Variants in EP400 observed in about 807,000 individuals in gnomAD.
EP400 encodes the protein E1A-binding protein p400.
A neutral mutation model predicts 354.1 loss-of-function variants in EP400; 105 were observed. The observed-to-expected ratio is 0.30, with a 90% CI of 0.25 to 0.35. The LOEUF is 0.35. Among genes scored for constraint, EP400 ranks in the 10% least tolerant of loss-of-function variants. The pLI is 1.00. For synonymous variants in EP400, 1,646 were observed against 1,716.9 expected, an observed-to-expected ratio of 0.96 and a Z score of 1.02; for missense variants, 3,280 against 4,121.0, an observed-to-expected ratio of 0.80 and a Z score of 5.59.
Position 131,961,806 on chromosome 12 carries a change from T to C in EP400, c.1187T>C (p.Phe396Ser). ...ATTGAACTGTTTTTCTTGCAACACT[T>C]TCAAGGGAACATGATGGATTTCTTA... ...YLIELFFLQH[F>S]QGNMMDFLAF... The change falls in exon 2 of 53, where the codon TTT becomes TCT. Residue 396 changes from phenylalanine (F) to serine (S), a missense_variant. Phe to Ser is a radical substitution (Grantham distance 155). Coordinates refer to ENST00000389561, the MANE Select transcript of EP400 (RefSeq NM_015409.5). The C allele has an allele frequency of 6.2e-7, 1 of 1,614,188 alleles. No individual in the cohort carries two copies.
At chr12:131,955,314 C>T (rs1324553483) in intron 1 of EP400, among the ~76,000 whole-genome samples, 1 of 152,032 alleles carries the variant, frequency 6.6e-6, no homozygotes, top group Non-Finnish European at 1.5e-5. Flanking sequence ...CGGAGTTTCG[C>T]TCTTGTTGCC....
Position 132,013,594 on chromosome 12 carries a change from G to A in EP400, c.3716G>A (p.Ser1239Asn), listed in dbSNP as rs1310389812. Residue 1239 changes from serine to asparagine, a missense_variant, in exon 18 of 53, where the codon AGC becomes AAC. Transcript: ENST00000389561. The surrounding 1 kb of genome is among the most constrained non-coding windows in gnomAD (Gnocchi z 4.5). ...CCAGGGATCTCCAGGCCCTACCTGA[G>A]CTCCCCTCTGAGGGCCCCCAGTGAA... is the stretch of plus-strand genomic sequence containing the variant. ...LVPGISRPYL[S>N]SPLRAPSEES... 6.2e-7 allele frequency: 1 copy of A among 1,613,968 alleles called. No individual in the cohort carries two copies. Among genetic ancestry groups the A allele is most frequent in the Non-Finnish European group, 8.5e-7 (1 of 1,179,938 alleles).
chr12:132,021,024 G>C, intron 22 of EP400, 55 bp from the exon 23 acceptor site: 1 of 1,495,116 alleles, frequency 6.7e-7, no homozygotes, highest in South Asian at 1.3e-5. Flanking sequence ...TTAAAATATT[G>C]TATTTTATTA....
intron 45 of EP400, among the ~76,000 whole-genome samples, chr12:132,059,417 C>T (rs898993241): frequency 6.6e-6 from 1 of 151,752 alleles, no homozygotes; most frequent in African/African-American, 2.4e-5. Context: ...CAGCTCAAGT[C>T]GATATTACCT....
chr12:131,985,668 C>T (rs1052520556), intron 5 of EP400, among the ~76,000 whole-genome samples: 2 of 152,156 alleles, frequency 1.3e-5, no homozygotes, highest in African/African-American at 2.4e-5. Flanking sequence ...AGTAGAATGG[C>T]GCAATCTCAG....
intron 42 of EP400, 36 bp from the exon 43 acceptor site, chr12:132,053,307 C>T: frequency 1.3e-6 from 2 of 1,599,634 alleles, no homozygotes; most frequent in South Asian, 1.1e-5. Flanking sequence ...CCGAGTCTGC[C>T]CCTCCAGTGG....
chr12:131,972,555 C>T (rs920802941), intron 2 of EP400, among the ~76,000 whole-genome samples: 6 of 151,986 alleles, frequency 3.9e-5, no homozygotes, highest in East Asian at 1.9e-4. Flanking sequence ...ATTTCTGTTT[C>T]GAAAAGATTT....
At position 132,011,619 on chromosome 12, in the gene EP400, C is replaced by T; in HGVS notation, c.3426C>T (p.Leu1142=). The T allele has an allele frequency of 6.2e-7, 1 of 1,601,422 alleles. No individual in the cohort carries two copies. The highest frequency in any genetic ancestry group is 8.5e-7 in the Non-Finnish European group (1 of 1,175,912). ...ILSYIGSHRE[L]KAKRQEWAEP... ...CATATATTGGCAGCCACAGAGAACTCAAAGCAAAGAGACAGGTATTTTTTT... is the reference window on the plus strand; with the variant it reads ...CATATATTGGCAGCCACAGAGAACTTAAAGCAAAGAGACAGGTATTTTTTT... Residue 1142 remains leucine (L), a synonymous_variant, in exon 16 of 53, where the codon CTC becomes CTT. Coordinates refer to ENST00000389561, the MANE Select transcript of EP400 (RefSeq NM_015409.5).
rs536459270 is a variant in EP400, at chr12:132,054,149, T to A, written c.7728+552T>A. 2.0e-5 allele frequency among the ~76,000 whole-genome samples: 3 copies of A among 152,210 alleles called. No homozygotes were observed. Among genetic ancestry groups the A allele is most frequent in the Non-Finnish European group, 4.4e-5 (3 of 68,030 alleles). Reference sequence around the variant, plus strand: ...TGTATCTCTGTACTGTGTGCGTCCGTGTGCCACACAGACGCTGAAATCATA... The same window carrying A: ...TGTATCTCTGTACTGTGTGCGTCCGAGTGCCACACAGACGCTGAAATCATA... On this transcript the variant is annotated intron_variant, in intron 43 of 52. Transcript: ENST00000389561. This position sits in a 1 kb window ranked among gnomAD's most constrained non-coding sequence, Gnocchi z 4.0.
Position 132,025,654 on chromosome 12 carries a change from C to T in EP400, c.4864C>T (p.Leu1622Phe). 6.2e-7 allele frequency: 1 copy of T among 1,603,404 alleles called. No individual in the cohort carries two copies. Among genetic ancestry groups the T allele is most frequent in the Non-Finnish European group, 8.5e-7 (1 of 1,175,548 alleles). ...TGGACCTATGATTGCAGGCAGCGTC[C>T]TCCAGATCGTGTCCGCCCCCGGGCA... ...GQPLQLQGSV[L>F]QIVSAPGQPY... The change falls in exon 25 of 53, where the codon CTC (leucine) becomes TTC (phenylalanine). Residue 1622 changes from leucine (L) to phenylalanine (F), a missense_variant. This residue lies in a region of EP400 where 25 missense variants were observed against 51.2 expected (regional missense o/e 0.49). Transcript: ENST00000389561. This position sits in a 1 kb window ranked among gnomAD's most constrained non-coding sequence, Gnocchi z 4.1.
chr12:132,029,591 G>C lies in EP400; in HGVS notation c.5382-110G>C, dbSNP rs986377226. 52 of 1,262,570 alleles carry C rather than the reference G, an allele frequency of 4.1e-5. No homozygotes were observed. The highest frequency in any genetic ancestry group is 5.7e-5 in the Non-Finnish European group (51 of 896,434). The allele number at this position is 1,262,570 out of a possible 1,614,324, so 78.2% of individuals were successfully genotyped here. A position where few individuals can be genotyped will look rare whatever the true frequency, so the allele number is the denominator to read the frequency against. On this transcript the variant is annotated intron_variant, in intron 27 of 52. Transcript: ENST00000389561. The surrounding 1 kb of genome is among the most constrained non-coding windows in gnomAD (Gnocchi z 4.7). ...CCATGTGACTGGGTTGAGCCCTGCT[G>C]TTTCCTGGGACTTGGACTGTCAGAA...
intron 1 of EP400, among the ~76,000 whole-genome samples, chr12:131,951,065 A>ATTTTTTTTTTTTTTT (rs750396319): frequency 8.6e-5 from 9 of 104,172 alleles, no homozygotes; most frequent in African/African-American, 1.1e-4. Flanking sequence ...ACGCCTGGCT[A>ATTTTTTTTTTTTTTT]TTTTTTTTTT....
intron 30 of EP400, among the ~76,000 whole-genome samples, chr12:132,034,372 CTTCA>C (rs1292363133): frequency 6.6e-6 from 1 of 152,136 alleles, no homozygotes; most frequent in Non-Finnish European, 1.5e-5. Context: ...AGTGGGTAGA[CTTCA>C]TTCATGAACA....
In EP400 at chr12:132,038,083, G is replaced by A; in HGVS notation, c.6194G>A (p.Arg2065Lys). The change falls in exon 32 of 53, where the codon AGA becomes AAA. Residue 2065 changes from arginine (R) to lysine (K), a missense_variant. Arg to Lys is a conservative substitution (Grantham distance 26, BLOSUM62 2). Coordinates refer to ENST00000389561, the MANE Select transcript of EP400 (RefSeq NM_015409.5). This position sits in a 1 kb window ranked among gnomAD's most constrained non-coding sequence, Gnocchi z 4.2. ...VTETIAPKIA[R>K]PFIEALKSIE... ...GAAACCATTGCACCCAAAATTGCAA[G>A]ACCTTTCATAGAGGTAAGAATACAT... 3.1e-6 allele frequency: 5 copies of A among 1,614,202 alleles called. No individual in the cohort carries two copies. Among genetic ancestry groups the A allele is most frequent in the Non-Finnish European group, 3.4e-6 (4 of 1,180,040 alleles).
At chr12:131,981,988 G>C (rs964706152) in intron 4 of EP400, 105 bp from the exon 5 acceptor site, 1 of 1,389,768 alleles carries the variant, frequency 7.2e-7, no homozygotes, top group African/African-American at 1.4e-5. Context: ...GAGTGTGGTG[G>C]GTCTTGGACA....
At chr12:131,979,377 C>T (rs1360616936) in intron 2 of EP400, among the ~76,000 whole-genome samples, 2 of 152,178 alleles carry the variant, frequency 1.3e-5, no homozygotes, top group African/African-American at 4.8e-5. Flanking sequence ...TGTCTCAGAA[C>T]TGAAACTCAT....
chr12:131,972,180 T>C (rs578059690), intron 2 of EP400, among the ~76,000 whole-genome samples: 1 of 150,882 alleles, frequency 6.6e-6, no homozygotes, highest in East Asian at 1.9e-4. Context: ...TTAAACAGAG[T>C]CTCGCTCTGT....
rs537944533 is a variant in EP400 at position 132,079,658 on chromosome 12, A to G, written c.*1985A>G. On this transcript the variant is annotated 3_prime_UTR_variant, in exon 53 of 53. Coordinates refer to ENST00000389561, the MANE Select transcript of EP400 (RefSeq NM_015409.5). ...GCGCTCTATTAATCTAAAACACTAC[A>G]AGAGAATTTAACACCATCTCTCAAA... is the stretch of plus-strand genomic sequence containing the variant. 7.9e-5 allele frequency: 12 copies of G among 152,384 alleles called. No homozygotes were observed. The highest frequency in any genetic ancestry group is 6.8e-3 in the Middle Eastern group (2 of 294). 9.4% of individuals were successfully genotyped at this position (152,384 alleles called of 1,614,324 possible). A position where few individuals can be genotyped will look rare whatever the true frequency, so the allele number is the denominator to read the frequency against.
rs146598983 is a variant in EP400, at chr12:132,029,746, A to C, written c.5427A>C (p.Leu1809=). ...CGGTGGTGGCAGCACCCCCGTCCCTACGGGTGCCGCGGCCGCCACCCCTGT... is the reference window on the plus strand; with the variant it reads ...CGGTGGTGGCAGCACCCCCGTCCCTCCGGGTGCCGCGGCCGCCACCCCTGT... ...IPPVVAAPPS[L]RVPRPPPLYS... The change falls in exon 28 of 53, where the codon CTA becomes CTC. Residue 1809 remains leucine (L), a synonymous_variant. Coordinates refer to ENST00000389561, the MANE Select transcript of EP400 (RefSeq NM_015409.5). This position sits in a 1 kb window ranked among gnomAD's most constrained non-coding sequence, Gnocchi z 4.7. The C allele has an allele frequency of 2.1e-5, 34 of 1,613,186 alleles. No individual in the cohort carries two copies. Among genetic ancestry groups the C allele is most frequent in the Admixed American group, 3.3e-5 (2 of 60,014 alleles).
Sources: gnomAD v4.1 joint callset for allele counts (sites outside exome capture counted in the v4.1 genomes callset) on GRCh38, gnomAD v4.1.1 for gene constraint, gnomAD v4.1.1 regional missense constraint, Gnocchi (gnomAD v3.1) non-coding constraint, MANE v1.5 for transcripts, NCBI Gene and HGNC (gene_info 2026-07-23, HGNC 2026-07-21) for gene names.